Variants in ARHGAP18 observed in about 807,000 individuals in gnomAD.
ARHGAP18 encodes rho GTPase-activating protein 18.
In ARHGAP18, 67 loss-of-function variants were observed where a neutral mutation model predicts 86.2. The observed-to-expected ratio is 0.78, with a 90% confidence interval of 0.64 to 0.95. The LOEUF (loss-of-function observed/expected upper bound fraction) is 0.95. ARHGAP18 is among the 40% of genes least tolerant of loss of function. The pLI is 0.00. For synonymous variants in ARHGAP18, 283 were observed against 280.4 expected (o/e 1.01, Z -0.09); for missense variants, 691 against 780.4 (o/e 0.89, Z 1.37).
At chr6:129,657,059 A>T (rs1172743817) in intron 1 of ARHGAP18, among the ~76,000 whole-genome samples, 1 of 152,212 alleles carries the variant, frequency 6.6e-6, no homozygotes, top group Non-Finnish European at 1.5e-5. Context: ...AAATTTTTCC[A>T]TTGGGCCTTT....
intron 1 of ARHGAP18, among the ~76,000 whole-genome samples, chr6:129,676,506 T>TA (rs760518812): frequency 4.9e-4 from 74 of 152,296 alleles, no homozygotes; most frequent in Middle Eastern, 6.8e-3. Context: ...TCTCCACAGT[T>TA]AGAGCTCACA....
At chr6:129,707,557 T>C (rs12205801) in intron 1 of ARHGAP18, among the ~76,000 whole-genome samples, 33,047 of 151,592 alleles carry the variant, frequency 0.22, 3,860 homozygotes, top group African/African-American at 0.27. Context: ...CAATCTCTGC[T>C]CCACCAGCCT....
intron 1 of ARHGAP18, among the ~76,000 whole-genome samples, chr6:129,659,624 C>T (rs1206760215): frequency 6.6e-6 from 1 of 152,142 alleles, no homozygotes; most frequent in Non-Finnish European, 1.5e-5. Flanking sequence ...CTCGCCACCA[C>T]ACCCTAGCTA....
At chr6:129,649,597 T>G (rs375699012) in intron 1 of ARHGAP18, among the ~76,000 whole-genome samples, 2 of 148,594 alleles carry the variant, frequency 1.3e-5, no homozygotes, top group East Asian at 3.9e-4. Flanking sequence ...ACATCTTGTA[T>G]AGTGCTTTAT....
Position 129,643,315 on chromosome 6 carries a change from T to C in ARHGAP18, c.114-1297A>G, listed in dbSNP as rs1051254609. 2.0e-5 allele frequency among the ~76,000 whole-genome samples: 3 copies of C among 152,238 alleles called. No homozygotes were observed. In the South Asian group the frequency reaches 6.2e-4, roughly 32 times the overall value. On this transcript the variant is annotated intron_variant, in intron 1 of 14. Coordinates refer to ENST00000368149, the MANE Select transcript of ARHGAP18 (RefSeq NM_033515.3). ...GACCCAACAGGAGGTAATTTAATCA[T>C]GGGGGCAGTTACTTTCATGCTGTTC...
At position 129,576,845 on chromosome 6, in the gene ARHGAP18, T is replaced by C. The variant is rs1451821633; in HGVS notation, c.*1668A>G. 3 of 152,120 alleles carry C rather than the reference T, an allele frequency of 2.0e-5. No homozygotes were observed. Among genetic ancestry groups the C allele is most frequent in the Non-Finnish European group, 4.4e-5 (3 of 68,010 alleles). 9.4% of individuals were successfully genotyped at this position (152,120 alleles called of 1,614,324 possible). On this transcript the variant is annotated 3_prime_UTR_variant, in exon 15 of 15. Transcript: ENST00000368149. ...ACCATTTTGCTAATTGGGAAATTAA[T>C]ACATATTGTCAAAGAAACAGACTAA...
intron 1 of ARHGAP18, among the ~76,000 whole-genome samples, chr6:129,660,538 G>C (rs544186706): frequency 6.6e-6 from 1 of 152,326 alleles, no homozygotes; most frequent in South Asian, 2.1e-4. Flanking sequence ...GACACCCTCA[G>C]TTTGGACCTG....
At chr6:129,667,503 G>GCGTGTGTGTA (rs1774064132) in intron 1 of ARHGAP18, among the ~76,000 whole-genome samples, 2 of 145,288 alleles carry the variant, frequency 1.4e-5, no homozygotes, top group African/African-American at 2.6e-5. Flanking sequence ...GTGTGTGTGT[G>GCGTGTGTGTA]TGTTGTGTAT....
At chr6:129,583,723 G>A (rs1788333532) in intron 13 of ARHGAP18, among the ~76,000 whole-genome samples, 1 of 152,048 alleles carries the variant, frequency 6.6e-6, no homozygotes, top group African/African-American at 2.4e-5. Context: ...CCCATCACAG[G>A]CCCAGTGAAG....
rs1788173487 is a variant in ARHGAP18, at chr6:129,576,298, T to G, written c.*2215A>C. 1 of 151,936 alleles carries G rather than the reference T, an allele frequency of 6.6e-6. No homozygotes were observed. Among genetic ancestry groups the G allele is most frequent in the Non-Finnish European group, 1.5e-5 (1 of 67,964 alleles). The allele number at this position is 151,936 out of a possible 1,614,324, so 9.4% of individuals were successfully genotyped here. A position where few individuals can be genotyped will look rare whatever the true frequency, so the allele number is the denominator to read the frequency against. ...ATATTCAAGGCTCTATGGTATCAAG[T>G]TTTTTTTCTCTTTAGAGCCAGGCAT... On this transcript the variant is annotated 3_prime_UTR_variant, in exon 15 of 15. Transcript: ENST00000368149.
At chr6:129,655,970 A>T (rs1773825964) in intron 1 of ARHGAP18, among the ~76,000 whole-genome samples, 1 of 152,262 alleles carries the variant, frequency 6.6e-6, no homozygotes. Context: ...CACAGGAGAC[A>T]CTGAAAAAAA....
At chr6:129,615,639 C>G (rs1789082289) in intron 7 of ARHGAP18, among the ~76,000 whole-genome samples, 1 of 152,192 alleles carries the variant, frequency 6.6e-6, no homozygotes, top group African/African-American at 2.4e-5. Flanking sequence ...CCTAGCTTTT[C>G]TCAAATGTAA....
At chr6:129,631,410 T>C (rs1347007057) in intron 4 of ARHGAP18, among the ~76,000 whole-genome samples, 2 of 151,638 alleles carry the variant, frequency 1.3e-5, no homozygotes, top group Non-Finnish European at 2.9e-5. Context: ...AAATACCGCA[T>C]ATCAAAGTTC....
chr6:129,615,607 C>T (rs947605362), intron 7 of ARHGAP18, among the ~76,000 whole-genome samples: 5 of 152,188 alleles, frequency 3.3e-5, no homozygotes, highest in African/African-American at 1.2e-4. Context: ...CTGAGTTGAC[C>T]TGTCTTCCTC....
At chr6:129,593,858 G>C (rs553083160) in intron 12 of ARHGAP18, among the ~76,000 whole-genome samples, 2 of 152,282 alleles carry the variant, frequency 1.3e-5, no homozygotes, top group South Asian at 4.1e-4. Context: ...AAAAACATTT[G>C]CCTCATGAGG....
chr6:129,707,439 T>C (rs1399097192), intron 1 of ARHGAP18, among the ~76,000 whole-genome samples: 1 of 152,116 alleles, frequency 6.6e-6, no homozygotes, highest in Non-Finnish European at 1.5e-5. Flanking sequence ...TAGGAGGAAA[T>C]GCAGAATCTA....
chr6:129,595,792 T>C (rs1294321370), intron 12 of ARHGAP18, among the ~76,000 whole-genome samples: 10 of 152,176 alleles, frequency 6.6e-5, no homozygotes, highest in Non-Finnish European at 1.3e-4. Flanking sequence ...AAATGTCCAA[T>C]AGACATCATA....
rs74411627 is a variant in ARHGAP18 at position 129,622,603 on chromosome 6, C to T, written c.787-3751G>A. 6.6e-3 allele frequency among the ~76,000 whole-genome samples: 999 copies of T among 152,184 alleles called. 3 individuals are homozygous for T. Among genetic ancestry groups the T allele is most frequent in the Non-Finnish European group, 9.0e-3 (612 of 68,018 alleles). On this transcript the variant is annotated intron_variant, in intron 5 of 14. Coordinates refer to ENST00000368149, the MANE Select transcript of ARHGAP18 (RefSeq NM_033515.3). ...TTTAAATATTTATGAAGTTTCCTGTCGTTTTTTGTTTAGTTAATAGACTGA... is the reference window on the plus strand; with the variant it reads ...TTTAAATATTTATGAAGTTTCCTGTTGTTTTTTGTTTAGTTAATAGACTGA...
At chr6:129,639,386 A>C (rs1773399131) in intron 2 of ARHGAP18, among the ~76,000 whole-genome samples, 1 of 152,202 alleles carries the variant, frequency 6.6e-6, no homozygotes, top group Non-Finnish European at 1.5e-5. Context: ...GGAAAATAAA[A>C]GCGATGAATT....
Sources: gnomAD v4.1 joint callset for allele counts (sites outside exome capture counted in the v4.1 genomes callset) on GRCh38, gnomAD v4.1.1 for gene constraint, MANE v1.5 for transcripts, NCBI Gene and HGNC (gene_info 2026-07-23, HGNC 2026-07-21) for gene names.